The following GRID2 variants were observed in gnomAD, a reference collection of about 807,000 sequenced individuals.
GRID2 encodes the protein glutamate receptor ionotropic, delta-2.
In GRID2, 33 loss-of-function variants were observed where a neutral mutation model predicts 114.8. That is an observed-to-expected ratio of 0.29 (90% confidence interval 0.22 to 0.38). The LOEUF is 0.38. Among genes scored for constraint, GRID2 ranks in the 10% least tolerant of loss-of-function variants. The pLI is 1.00. For synonymous variants in GRID2, 505 were observed against 449.9 expected (o/e 1.12, Z -1.55); for missense variants, 1,184 against 1,257.7 (o/e 0.94, Z 0.89).
intron 2 of GRID2, among the ~76,000 whole-genome samples, chr4:92,847,019 A>G (rs1743375507): frequency 6.6e-6 from 1 of 152,090 alleles, no homozygotes; most frequent in Non-Finnish European, 1.5e-5. Context: ...AACATTTAAA[A>G]TGTAAAGATA....
chr4:93,681,552 A>G (rs981218750), intron 14 of GRID2, among the ~76,000 whole-genome samples: 8 of 152,076 alleles, frequency 5.3e-5, no homozygotes, highest in Admixed American at 2.6e-4. Context: ...ACAGTAACCA[A>G]AACAGCATGG....
chr4:93,623,724 T>G (rs1487830387), intron 13 of GRID2, among the ~76,000 whole-genome samples: 4 of 152,226 alleles, frequency 2.6e-5, no homozygotes, highest in Non-Finnish European at 4.4e-5. Context: ...CCACTGATTT[T>G]CTATTCTTAA....
At chr4:92,612,480 G>A (rs942592187) in intron 2 of GRID2, among the ~76,000 whole-genome samples, 3 of 151,390 alleles carry the variant, frequency 2.0e-5, no homozygotes, top group African/African-American at 7.3e-5. Context: ...GCCAGTTGCT[G>A]CAAAATAGCA....
intron 1 of GRID2, among the ~76,000 whole-genome samples, chr4:92,586,329 C>A (rs1197058225): frequency 1.3e-5 from 2 of 150,212 alleles, no homozygotes; most frequent in Admixed American, 6.7e-5. Flanking sequence ...ATCTGAAGTA[C>A]TGACTTATTT....
At chr4:93,263,275 A>T (rs935477811) in intron 8 of GRID2, among the ~76,000 whole-genome samples, 1 of 152,026 alleles carries the variant, frequency 6.6e-6, no homozygotes, top group Non-Finnish European at 1.5e-5. Flanking sequence ...TAGTAATTTC[A>T]ATACAGTCAA....
chr4:92,702,378 A>G (rs1579872925), intron 2 of GRID2: 1 of 151,292 alleles, frequency 6.6e-6, no homozygotes, highest in Non-Finnish European at 1.5e-5. Context: ...ACTTATATCT[A>G]CTCTGGCTGC....
At chr4:93,078,674 T>C (rs566887399) in intron 2 of GRID2, among the ~76,000 whole-genome samples, 1 of 147,440 alleles carries the variant, frequency 6.8e-6, no homozygotes, top group East Asian at 2.0e-4. Context: ...TCTGTATATT[T>C]AGTAAATATA....
At chr4:93,764,157 T>A (rs1478819323) in intron 14 of GRID2, among the ~76,000 whole-genome samples, 3 of 152,176 alleles carry the variant, frequency 2.0e-5, no homozygotes, top group Non-Finnish European at 4.4e-5. Context: ...TCAAGATGAA[T>A]GCCTAAACCT....
chr4:93,218,986 C>T (rs1261225162), intron 6 of GRID2, among the ~76,000 whole-genome samples: 1 of 152,108 alleles, frequency 6.6e-6, no homozygotes, highest in African/African-American at 2.4e-5. Context: ...GATGACCTCC[C>T]ACCAGGTCCC....
At chr4:93,393,349 C>T (rs984424326) in intron 8 of GRID2, among the ~76,000 whole-genome samples, 5 of 150,700 alleles carry the variant, frequency 3.3e-5, no homozygotes, top group Non-Finnish European at 5.9e-5. Flanking sequence ...ATGAGTCAGG[C>T]GGAAAAAAAA....
At chr4:92,342,191 A>G (rs945471762) in intron 1 of GRID2, among the ~76,000 whole-genome samples, 2 of 152,146 alleles carry the variant, frequency 1.3e-5, no homozygotes, top group Non-Finnish European at 2.9e-5. Flanking sequence ...ATATATATAC[A>G]CCCATAAATA....
intron 8 of GRID2, among the ~76,000 whole-genome samples, chr4:93,245,432 A>G (rs1748093607): frequency 6.6e-6 from 1 of 152,204 alleles, no homozygotes; most frequent in South Asian, 2.1e-4. Flanking sequence ...AAGTATAAAC[A>G]ATAATTTTAA....
At chr4:93,600,351 A>G (rs1369762938) in intron 13 of GRID2, among the ~76,000 whole-genome samples, 2 of 152,340 alleles carry the variant, frequency 1.3e-5, no homozygotes, top group African/African-American at 2.4e-5. Flanking sequence ...TATCTCATAT[A>G]TAAAGAACTA....
chr4:92,606,061 G>A (rs180915791), intron 2 of GRID2, among the ~76,000 whole-genome samples: 3 of 152,124 alleles, frequency 2.0e-5, no homozygotes, highest in Admixed American at 1.3e-4. Flanking sequence ...ACCAAAATTT[G>A]TTTTTGAAAA....
chr4:93,048,735 T>G (rs1241632077), intron 2 of GRID2, among the ~76,000 whole-genome samples: 1 of 152,098 alleles, frequency 6.6e-6, no homozygotes. Flanking sequence ...ATCCCTAATT[T>G]TTTTCTTAAT....
chr4:93,503,194 G>C (rs1728293826), intron 12 of GRID2, among the ~76,000 whole-genome samples: 2 of 152,010 alleles, frequency 1.3e-5, no homozygotes, highest in South Asian at 4.1e-4. Context: ...AATTAATGTG[G>C]GAAGAGTAGT....
intron 14 of GRID2, among the ~76,000 whole-genome samples, chr4:93,636,385 A>T (rs1721412051): frequency 1.3e-5 from 2 of 152,038 alleles, no homozygotes; most frequent in African/African-American, 4.8e-5. Flanking sequence ...AATATTCCAG[A>T]ACTTAAAACC....
chr4:93,493,632 T>G (rs1727244344), intron 12 of GRID2, among the ~76,000 whole-genome samples: 1 of 151,696 alleles, frequency 6.6e-6, no homozygotes, highest in Non-Finnish European at 1.5e-5. Flanking sequence ...GTGGTGTCTG[T>G]AAATCTGAGT....
intron 2 of GRID2, among the ~76,000 whole-genome samples, chr4:92,864,867 G>T (rs1300256411): frequency 6.6e-6 from 1 of 152,126 alleles, no homozygotes; most frequent in East Asian, 1.9e-4. Context: ...GAAATATTCT[G>T]ATTGAAAATA....
Sources: gnomAD v4.1 joint callset for allele counts (sites outside exome capture counted in the v4.1 genomes callset) on GRCh38, gnomAD v4.1.1 for gene constraint, MANE v1.5 for transcripts, NCBI Gene and HGNC (gene_info 2026-07-23, HGNC 2026-07-21) for gene names.